Variants in BPTF observed in about 807,000 individuals in gnomAD.
BPTF encodes the protein bromodomain PHD finger transcription factor, also known as nucleosome-remodeling factor subunit BPTF.
In BPTF, 18 loss-of-function variants were observed where a neutral mutation model predicts 292.5. That is an observed-to-expected ratio of 0.06 (90% CI 0.04 to 0.09). BPTF has a LOEUF of 0.09. BPTF is among the 10% of genes least tolerant of loss of function. The pLI, the probability that BPTF is intolerant of heterozygous loss-of-function variation, is 1.00. For synonymous variants in BPTF, 1,225 were observed against 1,251.9 expected, an observed-to-expected ratio of 0.98 and a Z score of 0.45; for missense variants, 2,726 against 3,498.7, an observed-to-expected ratio of 0.78 and a Z score of 5.57.
intron 23 of BPTF, chr17:67,956,452 G>A (rs1262437426): frequency 6.6e-6 from 1 of 151,908 alleles, no homozygotes. Context: ...CAAGTAGCTG[G>A]CACTATAGGC....
chr17:67,932,001 C>T lies in BPTF; in HGVS notation c.6241C>T (p.Pro2081Ser). The T allele has an allele frequency of 6.2e-7, 1 of 1,613,710 alleles. No homozygotes were observed. Among genetic ancestry groups the T allele is most frequent in the Non-Finnish European group, 8.5e-7 (1 of 1,179,686 alleles). ...STLGKAIIRT[P>S]VMVQPGAPQQ... ...ACTAGGAAAGGCAATTATTCGAACA[C>T]CTGTGATGGTACAGCCAGGTATTTA... is the stretch of plus-strand genomic sequence containing the variant. The change falls in exon 18 of 28, where the codon CCT becomes TCT. Residue 2081 changes from proline to serine, a missense_variant. By Grantham distance (74) the Pro-to-Ser change is moderately conservative. Transcript: ENST00000306378.
At chr17:67,831,430 A>G (rs776841092) in intron 1 of BPTF, among the ~76,000 whole-genome samples, 1 of 152,352 alleles carries the variant, frequency 6.6e-6, no homozygotes, top group African/African-American at 2.4e-5. Flanking sequence ...ATTTGTGAGT[A>G]GTAGAGAGGT....
chr17:67,901,796 TGTTCTGAAGAGTAGTTTGACCCTATATCC>T (rs2061862761), intron 7 of BPTF, among the ~76,000 whole-genome samples: 1 of 152,234 alleles, frequency 6.6e-6, no homozygotes, highest in Non-Finnish European at 1.5e-5. Context: ...ATGATTGCAC[TGTTCTGAAGAGTAGTTTGACCCTATATCC>T]GTCAGCATTT....
intron 4 of BPTF, among the ~76,000 whole-genome samples, chr17:67,877,611 A>G (rs941713740): frequency 2.6e-5 from 4 of 150,976 alleles, no homozygotes; most frequent in African/African-American, 4.8e-5. Flanking sequence ...TTGGATGTTA[A>G]GATATTTTTG....
At position 67,854,018 on chromosome 17, in the gene BPTF, A is replaced by G. The variant is rs1210185001; in HGVS notation, c.692A>G (p.Lys231Arg). Residue 231 changes from lysine to arginine, a missense_variant, in exon 2 of 28, where the codon AAG (lysine) becomes AGG (arginine). Transcript: ENST00000306378. This position sits in a 1 kb window ranked among gnomAD's most constrained non-coding sequence, Gnocchi z 5.6. ...EKDIPPLEFP[K>R]SSEDLMVPNE... ...GACATCCCGCCCCTTGAATTTCCCA[A>G]GTCCTCTGAGGATTTAATGGTGCCT... 6 of 1,614,184 alleles carry G rather than the reference A, an allele frequency of 3.7e-6. No individual in the cohort carries two copies. The highest frequency in any genetic ancestry group is 5.1e-6 in the Non-Finnish European group (6 of 1,180,040).
intron 2 of BPTF, among the ~76,000 whole-genome samples, chr17:67,856,812 C>T (rs2058717415): frequency 6.6e-6 from 1 of 152,126 alleles, no homozygotes; most frequent in African/African-American, 2.4e-5. Context: ...CTTAAATCCT[C>T]AGTTTTTTGT....
At chr17:67,873,355 G>A (rs2080584052) in intron 3 of BPTF, among the ~76,000 whole-genome samples, 1 of 151,880 alleles carries the variant, frequency 6.6e-6, no homozygotes, top group Non-Finnish European at 1.5e-5. Context: ...CTACTTGGGA[G>A]GCTGGGGCAG....
At chr17:67,930,949 T>TA (rs1032610634) in intron 17 of BPTF, among the ~76,000 whole-genome samples, 5 of 150,164 alleles carry the variant, frequency 3.3e-5, no homozygotes, top group Admixed American at 6.6e-5. Context: ...AGTGAGACTC[T>TA]GTCTCAAAAA....
chr17:67,896,247 T>C (rs1274987532), intron 7 of BPTF, among the ~76,000 whole-genome samples: 1 of 152,162 alleles, frequency 6.6e-6, no homozygotes, highest in African/African-American at 2.4e-5. Context: ...CAGGCATGAG[T>C]GACTGCACCC....
chr17:67,907,178 C>T (rs2062263784), intron 9 of BPTF, among the ~76,000 whole-genome samples: 1 of 134,366 alleles, frequency 7.4e-6, no homozygotes. Flanking sequence ...GAGCAAGACA[C>T]TGTCTCCAAA....
intron 14 of BPTF, 152 bp downstream of exon 14, chr17:67,923,142 G>T: frequency 1.2e-6 from 1 of 861,798 alleles, no homozygotes; most frequent in Non-Finnish European, 1.7e-6. Context: ...TGCAACCTCT[G>T]CCTCCCAGGC....
intron 3 of BPTF, among the ~76,000 whole-genome samples, chr17:67,869,233 A>G (rs2059563995): frequency 6.6e-6 from 1 of 152,218 alleles, no homozygotes; most frequent in South Asian, 2.1e-4. Flanking sequence ...AATGTGAGAT[A>G]GGATTTTATA....
chr17:67,950,485 A>G (rs1178033106), intron 23 of BPTF, among the ~76,000 whole-genome samples: 2 of 152,070 alleles, frequency 1.3e-5, no homozygotes, highest in South Asian at 2.1e-4. Context: ...GAAAGAAGAC[A>G]TTGTTTTTAT....
At chr17:67,859,537 G>A (rs556383650) in intron 2 of BPTF, among the ~76,000 whole-genome samples, 13 of 152,328 alleles carry the variant, frequency 8.5e-5, no homozygotes, top group African/African-American at 2.2e-4. Flanking sequence ...CCAAGACCCT[G>A]TGGCTCTTAG....
intron 18 of BPTF, among the ~76,000 whole-genome samples, chr17:67,937,569 A>G (rs1431075993): frequency 6.6e-6 from 1 of 152,186 alleles, no homozygotes; most frequent in Non-Finnish European, 1.5e-5. Flanking sequence ...GGAGCTGTGC[A>G]GATATCTGAG....
chr17:67,871,013 C>A (rs62084245), intron 3 of BPTF, among the ~76,000 whole-genome samples: 1 of 151,468 alleles, frequency 6.6e-6, no homozygotes, highest in African/African-American at 2.4e-5. Context: ...CCTCGTGATC[C>A]GCCCGCCTCG....
chr17:67,829,463 C>T (rs1285273310), intron 1 of BPTF, among the ~76,000 whole-genome samples: 1 of 151,586 alleles, frequency 6.6e-6, no homozygotes, highest in Non-Finnish European at 1.5e-5. Context: ...AAGTTCCCTC[C>T]CCTTGCCCCC....
At chr17:67,876,386 T>C (rs545139422) in intron 4 of BPTF, among the ~76,000 whole-genome samples, 2 of 152,346 alleles carry the variant, frequency 1.3e-5, no homozygotes, top group African/African-American at 4.8e-5. Flanking sequence ...AGCAGTGAGC[T>C]GTGTTGCTGA....
chr17:67,955,381 G>A (rs371647134), intron 23 of BPTF: 1 of 152,014 alleles, frequency 6.6e-6, no homozygotes, highest in African/African-American at 2.4e-5. Context: ...CAAAAAAGGG[G>A]CACAGCAAAC....
Sources: gnomAD v4.1 joint callset for allele counts (sites outside exome capture counted in the v4.1 genomes callset) on GRCh38, gnomAD v4.1.1 for gene constraint, Gnocchi (gnomAD v3.1) non-coding constraint, MANE v1.5 for transcripts, NCBI Gene and HGNC (gene_info 2026-07-23, HGNC 2026-07-21) for gene names.